DPP4: variants seen among roughly 807,000 people sequenced by gnomAD.
DPP4 encodes dipeptidyl peptidase 4.
Under a neutral mutation model 122.4 loss-of-function variants are expected in DPP4, and 93 were observed. That is an observed-to-expected ratio of 0.76 (90% CI 0.64 to 0.90). The LOEUF (loss-of-function observed/expected upper bound fraction) is 0.90. DPP4 is among the 40% of genes least tolerant of loss of function. The pLI is 0.00. For synonymous variants in DPP4, 321 were observed against 302.9 expected (o/e 1.06, Z -0.62); for missense variants, 914 against 907.3 (o/e 1.01, Z -0.09).
At chr2:162,025,116 G>A (rs943941272) in intron 10 of DPP4, among the ~76,000 whole-genome samples, 177 bp from the exon 11 acceptor site, 1 of 152,154 alleles carries the variant, frequency 6.6e-6, no homozygotes, top group Non-Finnish European at 1.5e-5. Context: ...AAAGCTTAAA[G>A]TGTAATTTAA....
Position 162,013,921 on chromosome 2 carries a change from A to C in DPP4, c.1637+475T>G, listed in dbSNP as rs527371793. On this transcript the variant is annotated intron_variant, in intron 19 of 25. Coordinates refer to ENST00000360534, the MANE Select transcript of DPP4 (RefSeq NM_001935.4). ...ACTTTCTCAAAGACTTGAAGTTTTT[A>C]ATAGCGAACGCTCTCCTCTATCACT... Among the ~76,000 whole-genome samples the C allele has an allele frequency of 2.6e-5, 4 of 152,324 alleles. No individual in the cohort carries two copies. In the East Asian group the frequency reaches 7.7e-4, roughly 29 times the overall value.
Position 162,024,878 on chromosome 2 carries a change from T to C in DPP4, c.949A>G (p.Arg317Gly). The C allele has an allele frequency of 6.2e-7, 1 of 1,613,962 alleles. No individual in the cohort carries two copies. ...TQERISLQWL[R>G]RIQNYSVMDI... ...ATGACCGAATAGTTCTGAATCCTCC[T>C]GAGCCACTGCAAAGAAATTCTTTCT... is the stretch of plus-strand genomic sequence containing the variant. Residue 317 changes from arginine (R) to glycine (G), a missense_variant, in exon 11 of 26, where the codon AGG (arginine) becomes GGG (glycine). Arg to Gly is a moderately radical substitution (Grantham distance 125). Transcript: ENST00000360534.
chr2:162,000,760 T>G (rs1701127006), intron 23 of DPP4, among the ~76,000 whole-genome samples: 1 of 152,172 alleles, frequency 6.6e-6, no homozygotes, highest in African/African-American at 2.4e-5. Flanking sequence ...ATCAGTCCCT[T>G]CTGTGTGTTC....
At chr2:162,003,143 C>T (rs1274181109) in intron 23 of DPP4, among the ~76,000 whole-genome samples, 2 of 152,180 alleles carry the variant, frequency 1.3e-5, no homozygotes, top group South Asian at 2.1e-4. Flanking sequence ...AAACAGTCCT[C>T]GGGTGCCATC....
At chr2:161,998,332 G>A (rs930286872) in intron 23 of DPP4, among the ~76,000 whole-genome samples, 4 of 152,198 alleles carry the variant, frequency 2.6e-5, no homozygotes, top group Admixed American at 6.5e-5. Context: ...CCCCATGTGA[G>A]TCCTCTTTGG....
chr2:162,044,209 A>T (rs1410699082), intron 5 of DPP4, among the ~76,000 whole-genome samples: 2 of 152,226 alleles, frequency 1.3e-5, no homozygotes, highest in Non-Finnish European at 2.9e-5. Context: ...AATTGGCAAC[A>T]GATGTGTCAA....
rs111783507 is a variant in DPP4, at chr2:162,062,143, G to A, written c.94+11256C>T. Among the ~76,000 whole-genome samples the A allele has an allele frequency of 3.4e-3, 512 of 151,904 alleles. 3 individuals are homozygous for A. The highest frequency in any genetic ancestry group is 0.012 in the African/African-American group (489 of 41,436). ...AAAAAAAAAAAAAAATTAGCTGGGC[G>A]TGGTGGTGCACACCTATAGTGCCAG... On this transcript the variant is annotated intron_variant, in intron 2 of 25. Transcript: ENST00000360534.
At chr2:162,014,535 C>A in intron 18 of DPP4, 70 bp from the exon 19 acceptor site, 1 of 1,110,902 alleles carries the variant, frequency 9.0e-7, no homozygotes, top group South Asian at 1.4e-5. Context: ...TCCTCATGTC[C>A]GTCAGTAGCA....
chr2:162,016,653 C>G, intron 18 of DPP4, 115 bp downstream of exon 18: 1 of 607,132 alleles, frequency 1.6e-6, no homozygotes, highest in Non-Finnish European at 2.6e-6. Context: ...GGAGAAATAA[C>G]CTTTTAAATT....
At chr2:162,005,890 T>C (rs1043808680) in intron 22 of DPP4, 81 bp from the exon 23 acceptor site, 21 of 1,051,828 alleles carry the variant, frequency 2.0e-5, no homozygotes, top group South Asian at 2.7e-5. Flanking sequence ...ACTTCAGTGT[T>C]TCCATATGTA....
intron 23 of DPP4, among the ~76,000 whole-genome samples, chr2:161,996,657 A>C (rs1701013051): frequency 6.6e-6 from 1 of 152,190 alleles, no homozygotes; most frequent in South Asian, 2.1e-4. Context: ...AGTTACCTTC[A>C]GTATAGTACA....
At chr2:161,999,477 A>G (rs966260454) in intron 23 of DPP4, among the ~76,000 whole-genome samples, 1 of 152,216 alleles carries the variant, frequency 6.6e-6, no homozygotes, top group Non-Finnish European at 1.5e-5. Flanking sequence ...ATGGTGGTGC[A>G]GTTGGCACTC....
Position 162,047,023 on chromosome 2 carries a change from C to A in DPP4, c.194-17G>T, listed in dbSNP as rs1684207592. ...ATTCATGATCTAAAGAGAGAAAACA[C>A]CCAGATCAAAATTTCAAGTTGTTAT... On this transcript the variant is annotated splice_polypyrimidine_tract_variant and intron_variant, in intron 3 of 25. Transcript: ENST00000360534. 1 of 1,387,362 alleles carries A rather than the reference C, an allele frequency of 7.2e-7. No homozygotes were observed. Among genetic ancestry groups the A allele is most frequent in the Non-Finnish European group, 1.0e-6 (1 of 991,242 alleles). The allele number at this position is 1,387,362 out of a possible 1,614,324, so 85.9% of individuals were successfully genotyped here. A position where few individuals can be genotyped will look rare whatever the true frequency, so the allele number is the denominator to read the frequency against.
At position 162,050,865 on chromosome 2, in the gene DPP4, C is replaced by T. The variant is rs1364294881; in HGVS notation, c.95-3364G>A. ...TGAGACATGCTCATGATTCGTCTTC[C>T]TTGTCTACTTGCTCACTGACAGGGC... On this transcript the variant is annotated intron_variant, in intron 2 of 25. Transcript: ENST00000360534. Among the ~76,000 whole-genome samples the T allele has an allele frequency of 5.3e-5, 8 of 152,202 alleles. No individual in the cohort carries two copies. In the East Asian group the frequency reaches 1.5e-3, roughly 29 times the overall value.
intron 20 of DPP4, among the ~76,000 whole-genome samples, chr2:162,010,942 C>T (rs1273340110): frequency 6.6e-6 from 1 of 152,090 alleles, no homozygotes; most frequent in Non-Finnish European, 1.5e-5. Flanking sequence ...CTGTTGGTTA[C>T]AGAAACTCAA....
chr2:162,045,470 G>A (rs878896888), intron 5 of DPP4, 62 bp downstream of exon 5: 40 of 1,242,120 alleles, frequency 3.2e-5, no homozygotes, highest in Admixed American at 1.4e-4. Flanking sequence ...ACTTGAAATC[G>A]GTTATAACAT....
Position 162,020,543 on chromosome 2 carries a change from A to G in DPP4, c.1176+38T>C, listed in dbSNP as rs193235742. The G allele has an allele frequency of 5.8e-4, 864 of 1,491,140 alleles. 4 individuals are homozygous for G. In the African/African-American group the frequency reaches 0.011, roughly 19 times the overall value. 92.4% of individuals were successfully genotyped at this position (1,491,140 alleles called of 1,614,324 possible). ...TCAAGTTGGTTTCCAAAAAAAAAAA[A>G]GAGGTCAACATGAAATAAAATATGT... On this transcript the variant is annotated intron_variant, in intron 13 of 25. Transcript: ENST00000360534.
intron 2 of DPP4, among the ~76,000 whole-genome samples, chr2:162,048,744 T>C (rs1445130060): frequency 6.6e-6 from 1 of 152,196 alleles, no homozygotes; most frequent in Non-Finnish European, 1.5e-5. Flanking sequence ...GCCCCAACAC[T>C]ACTCATTTCG....
At chr2:162,040,636 T>A (rs746663285) in intron 5 of DPP4, among the ~76,000 whole-genome samples, 2 of 151,994 alleles carry the variant, frequency 1.3e-5, no homozygotes, top group African/African-American at 2.4e-5. Context: ...TGGTGAAACA[T>A]GTCATCATAC....
Sources: gnomAD v4.1 joint callset for allele counts (sites outside exome capture counted in the v4.1 genomes callset) on GRCh38, gnomAD v4.1.1 for gene constraint, MANE v1.5 for transcripts, NCBI Gene and HGNC (gene_info 2026-07-23, HGNC 2026-07-21) for gene names.